PCDHGB1: variants seen among roughly 807,000 people sequenced by gnomAD.
PCDHGB1 encodes the protein protocadherin gamma subfamily B, 1.
A neutral mutation model predicts 56.6 loss-of-function variants in PCDHGB1; 34 were observed. The ratio of observed to expected loss-of-function variants is 0.60; its 90% confidence interval spans 0.46 to 0.80. The LOEUF is 0.80. Among genes scored for constraint, PCDHGB1 ranks in the 30% least tolerant of loss-of-function variants. PCDHGB1 has a pLI of 0.00. For synonymous variants in PCDHGB1, 561 were observed against 505.9 expected (o/e 1.11, Z -1.46); for missense variants, 1,278 against 1,204.6 (o/e 1.06, Z -0.90).
Position 141,454,887 on chromosome 5 carries a change from T to C in PCDHGB1, c.2410-39920T>C, listed in dbSNP as rs1291501766. Among the ~76,000 whole-genome samples, 3 of 138,310 alleles carry C rather than the reference T, an allele frequency of 2.2e-5. No homozygotes were observed. The Admixed American group carries it at 2.3e-4, about 11-fold the overall frequency. 90.7% of individuals were successfully genotyped at this position (138,310 alleles called of 152,430 possible). A position where few individuals can be genotyped will look rare whatever the true frequency, so the allele number is the denominator to read the frequency against. ...CAGTGGCACGATCTTGGCTCACTGC[T>C]AGCACCGCCTCCCGGGTTCACGCCA... On this transcript the variant is annotated intron_variant, in intron 1 of 3. Coordinates refer to ENST00000523390, the MANE Select transcript of PCDHGB1 (RefSeq NM_018922.3).
chr5:141,398,985 A>T, intron 1 of PCDHGB1: 1 of 1,613,964 alleles, frequency 6.2e-7, no homozygotes, highest in Non-Finnish European at 8.5e-7. Flanking sequence ...GAACCGGGCA[A>T]ATCTTTAGTC....
At chr5:141,376,920 C>G (rs527270477) in intron 1 of PCDHGB1, 1 of 173,352 alleles carries the variant, frequency 5.8e-6, no homozygotes, top group Non-Finnish European at 1.2e-5. Flanking sequence ...ATCTCCTGAC[C>G]TCATGATCCA....
rs113065470 is a variant in PCDHGB1 at position 141,401,000 on chromosome 5, C to A, written c.2409+48331C>A. 4.1e-3 allele frequency among the ~76,000 whole-genome samples: 629 copies of A among 152,216 alleles called. 6 individuals are homozygous for A. The highest frequency in any genetic ancestry group is 0.014 in the African/African-American group (590 of 41,530). On this transcript the variant is annotated intron_variant, in intron 1 of 3. Coordinates refer to ENST00000523390, the MANE Select transcript of PCDHGB1 (RefSeq NM_018922.3). ...TGTTCCTCATATATGCTTTCTTATT[C>A]CTACCTAATGGATTTATGATTTTTT...
Position 141,405,325 on chromosome 5 carries a change from G to C in PCDHGB1, c.2409+52656G>C, listed in dbSNP as rs17097274. ...AGAGCTGTGAGAAAAATGAGCCTTT[G>C]TGCGTCTCTGTTGATTCCAAGTTTC... On this transcript the variant is annotated intron_variant, in intron 1 of 3. Transcript: ENST00000523390. The C allele has an allele frequency of 9.4e-4, 1,513 of 1,614,170 alleles. 9 individuals are homozygous for C. The African/African-American group carries it at 0.016, about 17-fold the overall frequency.
intron 1 of PCDHGB1, among the ~76,000 whole-genome samples, chr5:141,472,224 A>G (rs570743680): frequency 1.4e-4 from 21 of 152,330 alleles, no homozygotes; most frequent in African/African-American, 4.1e-4. Context: ...TCTCGATCAT[A>G]TAATACATTC....
chr5:141,414,981 C>G (rs766434004), intron 1 of PCDHGB1: 12 of 1,613,722 alleles, frequency 7.4e-6, no homozygotes, highest in East Asian at 6.7e-5. Flanking sequence ...ACAGAGACTC[C>G]GGCCAGAACG....
chr5:141,371,226 A>G (rs772683388), intron 1 of PCDHGB1: 7 of 1,614,072 alleles, frequency 4.3e-6, no homozygotes, highest in Non-Finnish European at 5.9e-6. Flanking sequence ...TGCCGAAATC[A>G]TCTATGCCTT....
rs1331251272 is a variant in PCDHGB1 at position 141,394,996 on chromosome 5, C to G, written c.2409+42327C>G. The G allele has an allele frequency of 3.1e-6, 5 of 1,614,034 alleles. No individual in the cohort carries two copies. In the South Asian group the frequency reaches 5.5e-5, roughly 18 times the overall value. On this transcript the variant is annotated intron_variant, in intron 1 of 3. Coordinates refer to ENST00000523390, the MANE Select transcript of PCDHGB1 (RefSeq NM_018922.3). ...CACAAGTCACGCCTGCTCCAGGATTCCGGTGGCAGATTGGTAGGCGTGCCT... is the reference window on the plus strand; with the variant it reads ...CACAAGTCACGCCTGCTCCAGGATTGCGGTGGCAGATTGGTAGGCGTGCCT...
Position 141,487,503 on chromosome 5 carries a change from C to T in PCDHGB1, c.2410-7304C>T. On this transcript the variant is annotated intron_variant, in intron 1 of 3. Transcript: ENST00000523390. The surrounding 1 kb of genome is among the most constrained non-coding windows in gnomAD (Gnocchi z 5.0). The stretch of plus-strand genomic sequence containing the variant: ...TCTCATGGCTGTACACCCTTGGCTT[C>T]TGCACCCACTCGGAGTGATAGCTTC... 1 of 1,614,220 alleles carries T rather than the reference C, an allele frequency of 6.2e-7. No homozygotes were observed. Among genetic ancestry groups the T allele is most frequent in the Non-Finnish European group, 8.5e-7 (1 of 1,180,042 alleles).
chr5:141,436,207 A>G (rs544201723), intron 1 of PCDHGB1, among the ~76,000 whole-genome samples: 67 of 152,260 alleles, frequency 4.4e-4, no homozygotes, highest in Non-Finnish European at 7.9e-4. Flanking sequence ...ACATAATAGG[A>G]AAACAAATGA....
At chr5:141,365,754 C>G in intron 1 of PCDHGB1, 1 of 1,613,850 alleles carries the variant, frequency 6.2e-7, no homozygotes. Context: ...TTCTCTGTGA[C>G]AGCCCATGAC....
intron 1 of PCDHGB1, chr5:141,410,350 A>G (rs2154543015): frequency 1.2e-6 from 2 of 1,613,912 alleles, no homozygotes; most frequent in South Asian, 1.1e-5. Context: ...TGCGCCTGCG[A>G]CGCTCTCTCA....
chr5:141,490,611 G>A lies in PCDHGB1; in HGVS notation c.2410-4196G>A, dbSNP rs1442281165. 1 of 1,614,052 alleles carries A rather than the reference G, an allele frequency of 6.2e-7. No homozygotes were observed. The highest frequency in any genetic ancestry group is 1.3e-5 in the African/African-American group (1 of 74,914). On this transcript the variant is annotated intron_variant, in intron 1 of 3. Coordinates refer to ENST00000523390, the MANE Select transcript of PCDHGB1 (RefSeq NM_018922.3). This position sits in a 1 kb window ranked among gnomAD's most constrained non-coding sequence, Gnocchi z 5.4. ...ACAATGCACCCCGCTTCAACCAGCA[G>A]CTTTACACTGCTTACATCCTAGAAA...
chr5:141,375,075 C>A lies in PCDHGB1; in HGVS notation c.2409+22406C>A. The stretch of plus-strand genomic sequence containing the variant: ...GATGGGCCAGGTCTTCGAGACAGAG[C>A]GAAAGTCTTAATAACTATCTTGGAT... On this transcript the variant is annotated intron_variant, in intron 1 of 3. Transcript: ENST00000523390. 4 of 1,613,926 alleles carry A rather than the reference C, an allele frequency of 2.5e-6. No individual in the cohort carries two copies. The highest frequency in any genetic ancestry group is 1.6e-4 in the Middle Eastern group (1 of 6,062).
At chr5:141,393,590 G>C (rs778378242) in intron 1 of PCDHGB1, 2 of 1,613,896 alleles carry the variant, frequency 1.2e-6, no homozygotes, top group South Asian at 1.1e-5. Context: ...CCCCAGGCAC[G>C]CGGCTGCTTA....
intron 1 of PCDHGB1, chr5:141,362,418 C>T (rs187134440): frequency 2.5e-6 from 4 of 1,614,026 alleles, no homozygotes; most frequent in African/African-American, 2.7e-5. Context: ...CACAATCAGC[C>T]AAGACAGAGT....
intron 1 of PCDHGB1, chr5:141,421,969 T>C (rs1039340340): frequency 1.2e-6 from 2 of 1,611,188 alleles, no homozygotes; most frequent in Admixed American, 1.7e-5. Flanking sequence ...ACAGTCCGTA[T>C]ATCGCGTGAG....
At chr5:141,364,907 G>A (rs779210025) in intron 1 of PCDHGB1, 37 of 1,613,968 alleles carry the variant, frequency 2.3e-5, no homozygotes, top group Non-Finnish European at 3.1e-5. Flanking sequence ...AAAGTATCCG[G>A]AGCTGGTGTT....
chr5:141,374,104 T>A (rs200348921), intron 1 of PCDHGB1: 3 of 1,570,610 alleles, frequency 1.9e-6, no homozygotes, highest in Non-Finnish European at 8.6e-7. Context: ...CGCAGAGGCA[T>A]CCGCAGCGCA....
Sources: gnomAD v4.1 joint callset for allele counts (sites outside exome capture counted in the v4.1 genomes callset) on GRCh38, gnomAD v4.1.1 for gene constraint, Gnocchi (gnomAD v3.1) non-coding constraint, MANE v1.5 for transcripts, NCBI Gene and HGNC (gene_info 2026-07-23, HGNC 2026-07-21) for gene names.